The following PPT1 variants were observed in gnomAD, a reference collection of about 807,000 sequenced individuals.
PPT1 encodes palmitoyl-protein thioesterase 1, also known as ceroid-palmitoyl-palmitoyl-protein thioesterase 1.
A neutral mutation model predicts 44.0 loss-of-function variants in PPT1; 24 were observed. That is an observed-to-expected ratio of 0.54 (90% CI 0.39 to 0.77). The LOEUF (loss-of-function observed/expected upper bound fraction) is 0.77. PPT1 is among the 30% of genes least tolerant of loss of function. PPT1 has a pLI of 0.00. For synonymous variants in PPT1, 148 were observed against 140.2 expected, an observed-to-expected ratio of 1.06 and a Z score of -0.39; for missense variants, 341 against 378.8, an observed-to-expected ratio of 0.90 and a Z score of 0.83.
intron 1 of PPT1, chr1:40,096,797 G>A (rs1274363747): frequency 5.1e-6 from 2 of 395,290 alleles, no homozygotes; most frequent in African/African-American, 4.1e-5. Flanking sequence ...CATATAGCCA[G>A]CCGCAGCTCA....
At chr1:40,091,846 C>T (rs1329235089) in intron 3 of PPT1, among the ~76,000 whole-genome samples, 199 bp downstream of exon 3, 2 of 125,998 alleles carry the variant, frequency 1.6e-5, no homozygotes, top group Non-Finnish European at 1.6e-5. Flanking sequence ...GCCTGGGCAA[C>T]AAGAGAGAAA....
intron 5 of PPT1, among the ~76,000 whole-genome samples, chr1:40,083,900 T>C (rs1211324702): frequency 6.6e-6 from 1 of 151,974 alleles, no homozygotes; most frequent in Non-Finnish European, 1.5e-5. Context: ...ATTAAAAAAT[T>C]AGTGGGGTGT....
chr1:40,092,536 T>C (rs1649628633), intron 1 of PPT1, 29 bp from the exon 2 acceptor site: 2 of 1,502,744 alleles, frequency 1.3e-6, no homozygotes, highest in Non-Finnish European at 1.9e-6. Flanking sequence ...TGATGGAAAC[T>C]CATGAGTCCA....
intron 5 of PPT1, among the ~76,000 whole-genome samples, chr1:40,083,327 T>A (rs988832452): frequency 6.6e-6 from 1 of 152,140 alleles, no homozygotes; most frequent in Non-Finnish European, 1.5e-5. Context: ...TGGCGGTGCA[T>A]GCCTGTAGTC....
At chr1:40,075,178 CCCG>C (rs1404678140) in intron 8 of PPT1, 1 of 152,334 alleles carries the variant, frequency 6.6e-6, no homozygotes, top group Non-Finnish European at 1.5e-5. Flanking sequence ...TTCGCTTGAA[CCCG>C]GGAGGCGGAG....
In PPT1 at chr1:40,074,100, T is replaced by C. The variant is rs1648434067; in HGVS notation, c.882A>G (p.Glu294=). Residue 294 remains glutamate, a synonymous_variant, in exon 9 of 9, where the codon GAA becomes GAG. Coordinates refer to ENST00000642050, the MANE Select transcript of PPT1 (RefSeq NM_000310.4). Reference sequence around the variant, plus strand: ...GTATGATGTGGGCATAAAACCATTCTTCAGACAACTGAAGATGGTCCCCTT... The same window carrying C: ...GTATGATGTGGGCATAAAACCATTCCTCAGACAACTGAAGATGGTCCCCTT... ...ATEGDHLQLS[E]EWFYAHIIPF... 6.2e-7 allele frequency: 1 copy of C among 1,614,094 alleles called. No homozygotes were observed. Among genetic ancestry groups the C allele is most frequent in the Admixed American group, 1.7e-5 (1 of 60,004 alleles).
chr1:40,093,220 C>T (rs922483718), intron 1 of PPT1, among the ~76,000 whole-genome samples: 10 of 152,158 alleles, frequency 6.6e-5, no homozygotes, highest in African/African-American at 1.9e-4. Context: ...ACACATGTTA[C>T]AACTTGAATG....
chr1:40,096,961 C>T (rs1649889142), intron 1 of PPT1, 154 bp downstream of exon 1: 4 of 1,378,620 alleles, frequency 2.9e-6, no homozygotes, highest in Non-Finnish European at 4.1e-6. Context: ...CCCCTTCTCT[C>T]TTTCCAATGC....
At chr1:40,086,547 G>C (rs912186987) in intron 5 of PPT1, among the ~76,000 whole-genome samples, 2 of 152,096 alleles carry the variant, frequency 1.3e-5, no homozygotes, top group Non-Finnish European at 2.9e-5. Flanking sequence ...AGGGAGGTGG[G>C]GTATGGTTAG....
At position 40,078,660 on chromosome 1, in the gene PPT1, T is replaced by C. The variant is rs2124472385; in HGVS notation, c.628-2A>G. 23 of 1,612,098 alleles carry C rather than the reference T, an allele frequency of 1.4e-5. No individual in the cohort carries two copies. Among genetic ancestry groups the C allele is most frequent in the Non-Finnish European group, 1.9e-5 (22 of 1,178,380 alleles). ...TTTCTTGTAGGACTCATTGATACCC[T>C]GAAAGAAAGGCCAGCAACACCTAAG... On this transcript the variant is annotated splice_acceptor_variant, in intron 6 of 8. Transcript: ENST00000642050. LOFTEE classifies it high-confidence loss of function.
chr1:40,072,268 A>AC (rs59433894), downstream of PPT1: 184,497 of 333,254 alleles, frequency 0.55, 37,945 homozygotes, highest in Admixed American at 0.61. Flanking sequence ...AAAAAAAAAA[A>AC]AAACCCACAT....
At chr1:40,072,532 T>C (rs1648259543), downstream of PPT1, 1 of 155,004 alleles carries the variant, frequency 6.5e-6, no homozygotes, top group Non-Finnish European at 1.4e-5. Flanking sequence ...TGCAACTTTT[T>C]TTTGGTGGGA....
intron 1 of PPT1, chr1:40,093,952 G>T: frequency 1.4e-6 from 1 of 715,418 alleles, no homozygotes; most frequent in East Asian, 2.7e-5. Context: ...CAGCGCTTTG[G>T]TAAGACGAGG....
downstream of PPT1, chr1:40,072,250 A>AG (rs1648177885): frequency 1.8e-5 from 5 of 278,508 alleles, no homozygotes; most frequent in Non-Finnish European, 2.9e-5. Context: ...TGACTTTAAA[A>AG]GGAAAAAAAA....
chr1:40,071,737 G>A, downstream of PPT1: 1 of 560,618 alleles, frequency 1.8e-6, no homozygotes, highest in South Asian at 2.3e-5. Flanking sequence ...TCTGCAGGAA[G>A]GTGCAGCTTT....
chr1:40,090,490 G>A (rs188132811), intron 4 of PPT1, among the ~76,000 whole-genome samples: 176 of 151,702 alleles, frequency 1.2e-3, no homozygotes, highest in African/African-American at 4.0e-3. Flanking sequence ...ATGTGTGTGT[G>A]TATATATATA....
At chr1:40,088,441 G>A (rs1281566058) in intron 5 of PPT1, among the ~76,000 whole-genome samples, 4 of 152,118 alleles carry the variant, frequency 2.6e-5, no homozygotes, top group South Asian at 2.1e-4. Flanking sequence ...CACCATGCCC[G>A]GCCCACAACT....
rs1395650417 is a variant in PPT1, at chr1:40,073,520, TTGA to T, written c.*538_*540del. ...TAGGCCAGTGGGATTTGTCTAATAATTGATGATAAGATGATAGCACAGAGGGCA... is the reference window on the plus strand; with the variant it reads ...TAGGCCAGTGGGATTTGTCTAATAATTGATAAGATGATAGCACAGAGGGCA... On this transcript the variant is annotated 3_prime_UTR_variant, in exon 9 of 9. Coordinates refer to ENST00000642050, the MANE Select transcript of PPT1 (RefSeq NM_000310.4). 3 of 107,334 alleles carry T rather than the reference TTGA, an allele frequency of 2.8e-5. No individual in the cohort carries two copies. Among genetic ancestry groups the T allele is most frequent in the Non-Finnish European group, 4.4e-5 (2 of 45,264 alleles). The allele number at this position is 107,334 out of a possible 1,614,324, so 6.6% of individuals were successfully genotyped here. A position where few individuals can be genotyped will look rare whatever the true frequency, so the allele number is the denominator to read the frequency against.
In PPT1 at chr1:40,091,502, C is replaced by A. The variant is rs1649562426; in HGVS notation, c.363-103G>T. The A allele has an allele frequency of 4.6e-5, 47 of 1,032,248 alleles. 1 individual carries two copies. In the South Asian group the frequency reaches 5.7e-4, roughly 12 times the overall value. 63.9% of individuals were successfully genotyped at this position (1,032,248 alleles called of 1,614,324 possible). A position where few individuals can be genotyped will look rare whatever the true frequency, so the allele number is the denominator to read the frequency against. ...TAGTCATCCTCTGTGACTCCCCAAA[C>A]CCGCAGAGTTTCAGGATTTTCCTGA... On this transcript the variant is annotated intron_variant, in intron 3 of 8. Coordinates refer to ENST00000642050, the MANE Select transcript of PPT1 (RefSeq NM_000310.4).
Sources: gnomAD v4.1 joint callset for allele counts (sites outside exome capture counted in the v4.1 genomes callset) on GRCh38, gnomAD v4.1.1 for gene constraint, MANE v1.5 for transcripts, NCBI Gene and HGNC (gene_info 2026-07-23, HGNC 2026-07-21) for gene names.